RALYL: variants seen among roughly 807,000 people sequenced by gnomAD.
The protein encoded by RALYL is RALY RNA binding protein like.
In RALYL, 29 loss-of-function variants were observed where a neutral mutation model predicts 35.1. That is an observed-to-expected ratio of 0.83 (90% confidence interval 0.61 to 1.13). RALYL has a LOEUF of 1.13. RALYL is among the 50% of genes most tolerant of loss of function. RALYL has a pLI of 0.00. For missense variants in RALYL, 359 were observed against 360.4 expected (o/e 1.00, Z 0.03); for synonymous variants, 120 against 127.6 (o/e 0.94, Z 0.40).
intron 1 of RALYL, among the ~76,000 whole-genome samples, chr8:84,451,459 T>C (rs1228712897): frequency 1.3e-5 from 2 of 151,978 alleles, no homozygotes; most frequent in Non-Finnish European, 2.9e-5. Context: ...CAATTTCAAC[T>C]TACTCATATA....
In RALYL at chr8:84,203,117, G is replaced by A. The variant is rs545860908; in HGVS notation, c.-24+18693G>A. On this transcript the variant is annotated intron_variant, in intron 1 of 8. Transcript: ENST00000521268. ...GTGCTTATGACATTATCACTCAAGTGGTTTGGGTTTCTTACTTACCATAAG... is the reference window on the plus strand; with the variant it reads ...GTGCTTATGACATTATCACTCAAGTAGTTTGGGTTTCTTACTTACCATAAG... Among the ~76,000 whole-genome samples the A allele has an allele frequency of 4.6e-5, 7 of 152,216 alleles. No homozygotes were observed. The East Asian group carries it at 1.2e-3, about 25-fold the overall frequency.
chr8:84,398,695 C>G (rs1027186632), intron 1 of RALYL, among the ~76,000 whole-genome samples: 1 of 152,086 alleles, frequency 6.6e-6, no homozygotes, highest in East Asian at 1.9e-4. Context: ...CCAATCCAGG[C>G]CAGTGCAGTG....
intron 4 of RALYL, among the ~76,000 whole-genome samples, chr8:84,820,330 T>A (rs544618232): frequency 1.3e-5 from 2 of 152,288 alleles, no homozygotes; most frequent in African/African-American, 2.4e-5. Context: ...TTTGTAGACA[T>A]CAAATATTTC....
At chr8:84,454,323 G>A (rs575042438) in intron 1 of RALYL, among the ~76,000 whole-genome samples, 1 of 151,884 alleles carries the variant, frequency 6.6e-6, no homozygotes, top group Middle Eastern at 3.2e-3. Flanking sequence ...TGAGGAGGTA[G>A]GGCAAACCTT....
chr8:84,810,310 A>G (rs1450537007), intron 4 of RALYL, among the ~76,000 whole-genome samples: 1 of 151,992 alleles, frequency 6.6e-6, no homozygotes, highest in Non-Finnish European at 1.5e-5. Context: ...TTCCTTTTTG[A>G]GTTGATTTCC....
chr8:84,803,684 T>C (rs534662628), intron 3 of RALYL, among the ~76,000 whole-genome samples: 17 of 152,312 alleles, frequency 1.1e-4, no homozygotes, highest in African/African-American at 4.1e-4. Flanking sequence ...CAAAGCAGCA[T>C]GGTATATGGC....
intron 1 of RALYL, among the ~76,000 whole-genome samples, chr8:84,433,345 C>G (rs2047343783): frequency 6.6e-6 from 1 of 151,872 alleles, no homozygotes; most frequent in African/African-American, 2.4e-5. Flanking sequence ...TTATTTTAAC[C>G]ATCTTATTTT....
At chr8:84,444,638 C>G (rs898624255) in intron 1 of RALYL, among the ~76,000 whole-genome samples, 5 of 151,998 alleles carry the variant, frequency 3.3e-5, no homozygotes, top group African/African-American at 1.2e-4. Flanking sequence ...CTAGAAACCA[C>G]AGATATAGTG....
rs1028643741 is a variant in RALYL, at chr8:84,393,065, C to T, written c.-23-136234C>T. 1.3e-4 allele frequency among the ~76,000 whole-genome samples: 20 copies of T among 151,940 alleles called. No individual in the cohort carries two copies. In the East Asian group the frequency reaches 1.9e-3, roughly 15 times the overall value. Reference sequence around the variant, plus strand: ...TATCCATTGCTATGTAACAAATTACCGCAAAGTTTAATGGCTTAAAACACC... The same window carrying T: ...TATCCATTGCTATGTAACAAATTACTGCAAAGTTTAATGGCTTAAAACACC... On this transcript the variant is annotated intron_variant, in intron 1 of 8. Coordinates refer to ENST00000521268, the MANE Select transcript of RALYL (RefSeq NM_173848.7).
In RALYL at chr8:84,642,818, C is replaced by A. The variant is rs566895959; in HGVS notation, c.256+113241C>A. 5.9e-5 allele frequency among the ~76,000 whole-genome samples: 9 copies of A among 152,124 alleles called. No individual in the cohort carries two copies. The South Asian group carries it at 1.2e-3, about 21-fold the overall frequency. The stretch of plus-strand genomic sequence containing the variant: ...TGAAAGAGAAAGGTAGGAGAAGAAG[C>A]TTTTGAGCCACCTCAAGGTTCAGGG... On this transcript the variant is annotated intron_variant, in intron 2 of 8. Coordinates refer to ENST00000521268, the MANE Select transcript of RALYL (RefSeq NM_173848.7).
chr8:84,188,503 G>C (rs1813080178), intron 1 of RALYL, among the ~76,000 whole-genome samples: 2 of 152,030 alleles, frequency 1.3e-5, no homozygotes, highest in East Asian at 1.9e-4. Context: ...AATTCAGTTT[G>C]ATTCTTTGAT....
intron 1 of RALYL, among the ~76,000 whole-genome samples, chr8:84,259,388 C>G (rs1375322823): frequency 6.6e-6 from 1 of 152,124 alleles, no homozygotes; most frequent in Non-Finnish European, 1.5e-5. Context: ...TTCAAAAGCA[C>G]TTTCATATAT....
chr8:84,427,359 T>C (rs2046610196), intron 1 of RALYL, among the ~76,000 whole-genome samples: 1 of 152,172 alleles, frequency 6.6e-6, no homozygotes. Flanking sequence ...CCTTTCTCAT[T>C]AGTGATTGGG....
intron 3 of RALYL, among the ~76,000 whole-genome samples, chr8:84,781,862 T>A (rs146778792): frequency 1.5e-3 from 221 of 152,284 alleles, no homozygotes; most frequent in African/African-American, 5.0e-3. Flanking sequence ...TATGTAACCA[T>A]GTAGTAAAAG....
chr8:84,316,715 T>G (rs1377919495), intron 1 of RALYL, among the ~76,000 whole-genome samples: 2 of 152,162 alleles, frequency 1.3e-5, no homozygotes, highest in Non-Finnish European at 2.9e-5. Flanking sequence ...GAATTTGAAT[T>G]TAGAAGGCTA....
intron 1 of RALYL, among the ~76,000 whole-genome samples, chr8:84,357,826 T>A (rs900758227): frequency 5.3e-5 from 8 of 149,642 alleles, no homozygotes; most frequent in Non-Finnish European, 1.0e-4. Flanking sequence ...TCATTAAAAA[T>A]CAAAAGTTAA....
chr8:84,907,415 C>G lies in RALYL; in HGVS notation c.859-13479C>G, dbSNP rs1846719848. Among the ~76,000 whole-genome samples the G allele has an allele frequency of 2.6e-5, 4 of 152,008 alleles. No individual in the cohort carries two copies. In the South Asian group the frequency reaches 8.3e-4, roughly 31 times the overall value. On this transcript the variant is annotated intron_variant, in intron 8 of 8. Transcript: ENST00000521268. ...AGGAAGAAACGGAAAGAAAACAATA[C>G]TGTTTCCATTTTCACTACCTTCCAG...
intron 1 of RALYL, among the ~76,000 whole-genome samples, chr8:84,323,811 T>A (rs1277181020): frequency 1.3e-5 from 2 of 152,094 alleles, no homozygotes; most frequent in African/African-American, 4.8e-5. Context: ...ATTTTGTCAG[T>A]TAAAAATTTA....
At chr8:84,807,866 G>A (rs1219017614) in intron 4 of RALYL, among the ~76,000 whole-genome samples, 2 of 152,116 alleles carry the variant, frequency 1.3e-5, no homozygotes. Context: ...TGGGATGTTT[G>A]TGTTTTTCTT....
Sources: allele counts gnomAD v4.1 joint callset (sites outside exome capture counted in the v4.1 genomes callset), GRCh38; gene constraint gnomAD v4.1.1; transcripts MANE v1.5; gene names NCBI Gene and HGNC (gene_info 2026-07-23, HGNC 2026-07-21).